Variants in CNTN4 observed in about 807,000 individuals in gnomAD.
CNTN4 encodes contactin 4.
CNTN4 carries 77 observed loss-of-function variants against 122.5 expected under a neutral mutation model. That is an observed-to-expected ratio of 0.63 (90% CI 0.52 to 0.76). The LOEUF (loss-of-function observed/expected upper bound fraction) is 0.76. Among genes scored for constraint, CNTN4 ranks in the 30% least tolerant of loss-of-function variants. The pLI, the probability that CNTN4 is intolerant of heterozygous loss-of-function variation, is 0.00. For synonymous variants in CNTN4, 512 were observed against 447.0 expected, an observed-to-expected ratio of 1.15 and a Z score of -1.83; for missense variants, 1,256 against 1,259.1, an observed-to-expected ratio of 1.00 and a Z score of 0.04.
intron 3 of CNTN4, among the ~76,000 whole-genome samples, chr3:2,510,497 C>T (rs1043893628): frequency 2.6e-5 from 4 of 152,040 alleles, no homozygotes; most frequent in African/African-American, 4.8e-5. Flanking sequence ...GGCTGCTTTG[C>T]GTGTGGTGGA....
intron 6 of CNTN4, among the ~76,000 whole-genome samples, chr3:2,762,294 A>T (rs1318453662): frequency 6.6e-6 from 1 of 152,218 alleles, no homozygotes; most frequent in East Asian, 1.9e-4. Context: ...TTTGTTGTAC[A>T]GATTATTTCA....
intron 6 of CNTN4, among the ~76,000 whole-genome samples, chr3:2,795,700 T>G (rs1444910583): frequency 6.6e-6 from 1 of 151,976 alleles, no homozygotes; most frequent in East Asian, 1.9e-4. Flanking sequence ...TTTTGTATTT[T>G]TAGTAGAGAC....
intron 4 of CNTN4, among the ~76,000 whole-genome samples, chr3:2,698,167 T>G (rs536037979): frequency 6.6e-6 from 1 of 152,322 alleles, no homozygotes; most frequent in East Asian, 1.9e-4. Context: ...CAGGAGAGGT[T>G]GTCAAGAGAA....
intron 2 of CNTN4, among the ~76,000 whole-genome samples, chr3:2,185,391 C>G (rs1249236076): frequency 6.6e-6 from 1 of 152,142 alleles, no homozygotes; most frequent in African/African-American, 2.4e-5. Context: ...TTGGAAACTG[C>G]TATTATAGGA....
At chr3:2,454,037 GTAGATA>G (rs2048919228) in intron 3 of CNTN4, among the ~76,000 whole-genome samples, 1 of 149,380 alleles carries the variant, frequency 6.7e-6, no homozygotes. Context: ...TTCTGACAGG[GTAGATA>G]TAATCAGCCC....
chr3:2,125,122 C>G (rs1410283111), intron 2 of CNTN4, among the ~76,000 whole-genome samples: 7 of 152,112 alleles, frequency 4.6e-5, no homozygotes, highest in Non-Finnish European at 5.9e-5. Context: ...CTCCATTTTT[C>G]CTTCCTCTAC....
intron 3 of CNTN4, among the ~76,000 whole-genome samples, chr3:2,374,198 T>C (rs2045735984): frequency 6.6e-6 from 1 of 152,134 alleles, no homozygotes; most frequent in Non-Finnish European, 1.5e-5. Flanking sequence ...TGTCTGTCCA[T>C]AGATTGTGGA....
chr3:2,781,988 G>A (rs1461167412), intron 6 of CNTN4, among the ~76,000 whole-genome samples: 1 of 151,664 alleles, frequency 6.6e-6, no homozygotes, highest in Non-Finnish European at 1.5e-5. Context: ...CTCCCAAAGT[G>A]CTGAGATTAC....
At chr3:2,846,223 C>T (rs1577035761) in intron 7 of CNTN4, among the ~76,000 whole-genome samples, 1 of 152,154 alleles carries the variant, frequency 6.6e-6, no homozygotes, top group Non-Finnish European at 1.5e-5. Context: ...CCATAATCCC[C>T]ACATGTTGTG....
At chr3:2,612,215 G>A (rs143884845) in intron 4 of CNTN4, among the ~76,000 whole-genome samples, 4 of 152,010 alleles carry the variant, frequency 2.6e-5, no homozygotes, top group African/African-American at 9.6e-5. Context: ...AATATAGTAA[G>A]TCAAAAATTA....
At chr3:2,813,426 C>A (rs573300754) in intron 6 of CNTN4, among the ~76,000 whole-genome samples, 1 of 152,158 alleles carries the variant, frequency 6.6e-6, no homozygotes, top group Non-Finnish European at 1.5e-5. Context: ...TATTTTTTTA[C>A]TTGCATTAAA....
chr3:2,813,713 C>A (rs924454760), intron 6 of CNTN4, among the ~76,000 whole-genome samples: 3 of 152,096 alleles, frequency 2.0e-5, no homozygotes, highest in African/African-American at 7.2e-5. Context: ...CAAAAGAGAT[C>A]TTGGACCCTC....
chr3:2,125,243 A>G (rs944365150), intron 2 of CNTN4, among the ~76,000 whole-genome samples: 6 of 151,370 alleles, frequency 4.0e-5, no homozygotes, highest in African/African-American at 7.3e-5. Flanking sequence ...GCCTTATTTC[A>G]CTTAGCATAC....
chr3:2,932,137 G>T (rs901393820), intron 13 of CNTN4, among the ~76,000 whole-genome samples: 8 of 152,126 alleles, frequency 5.3e-5, no homozygotes. Context: ...CAGCACTTTG[G>T]GACGTCGAGG....
chr3:2,174,980 T>C lies in CNTN4; in HGVS notation c.-145+74341T>C, dbSNP rs577188160. The stretch of plus-strand genomic sequence containing the variant: ...CAGTCACTTCCCACCAGGCCCCATC[T>C]CCAAAACTGGAGTTTACAATTCAAC... On this transcript the variant is annotated intron_variant, in intron 2 of 24. Transcript: ENST00000418658. Among the ~76,000 whole-genome samples the C allele has an allele frequency of 2.0e-5, 3 of 152,230 alleles. No individual in the cohort carries two copies. The East Asian group carries it at 5.8e-4, about 29-fold the overall frequency.
chr3:2,851,314 A>G (rs1453227364), intron 7 of CNTN4, among the ~76,000 whole-genome samples: 1 of 152,218 alleles, frequency 6.6e-6, no homozygotes, highest in African/African-American at 2.4e-5. Flanking sequence ...GCCTCTGATC[A>G]TATGCCTCTC....
At chr3:2,621,753 T>A (rs777385413) in intron 4 of CNTN4, among the ~76,000 whole-genome samples, 32 of 152,306 alleles carry the variant, frequency 2.1e-4, no homozygotes, top group Non-Finnish European at 3.5e-4. Context: ...TGTACAGTTG[T>A]AAGCAGCATT....
chr3:2,203,507 A>G (rs929348080), intron 2 of CNTN4, among the ~76,000 whole-genome samples: 1 of 152,156 alleles, frequency 6.6e-6, no homozygotes, highest in South Asian at 2.1e-4. Context: ...AAAGTAGAGC[A>G]TGTTATATAT....
intron 2 of CNTN4, among the ~76,000 whole-genome samples, chr3:2,107,827 G>T (rs1038374974): frequency 1.3e-5 from 2 of 152,072 alleles, no homozygotes; most frequent in Non-Finnish European, 2.9e-5. Context: ...ATGTCACTTT[G>T]GTTGTGTGCC....
Sources: allele counts gnomAD v4.1 joint callset (sites outside exome capture counted in the v4.1 genomes callset), GRCh38; gene constraint gnomAD v4.1.1; transcripts MANE v1.5; gene names NCBI Gene and HGNC (gene_info 2026-07-23, HGNC 2026-07-21).